The following PAPPA variants were observed in gnomAD, a reference collection of about 807,000 sequenced individuals.
PAPPA encodes the protein pappalysin 1.
PAPPA carries 60 observed loss-of-function variants against 164.0 expected under a neutral mutation model. That is an observed-to-expected ratio of 0.37 (90% CI 0.30 to 0.45). PAPPA has a LOEUF of 0.45. Ranked by LOEUF, PAPPA falls within the 20% of genes least tolerant of loss-of-function variation. PAPPA has a pLI of 1.00. For missense variants in PAPPA, 1,782 were observed against 2,087.3 expected, an observed-to-expected ratio of 0.85 and a Z score of 2.85; for synonymous variants, 875 against 814.1, an observed-to-expected ratio of 1.07 and a Z score of -1.27.
chr9:116,187,691 T>A lies in PAPPA; in HGVS notation c.953T>A (p.Leu318Gln). Residue 318 changes from leucine (L) to glutamine (Q), a missense_variant, in exon 2 of 22, where the codon CTG becomes CAG. By Grantham distance (113) the Leu-to-Gln change is moderately radical. Around this residue, in one of 2 missense-constraint regions of PAPPA, gnomAD observed 458 missense variants for 430.3 expected, o/e 1.06. Transcript: ENST00000328252. The surrounding 1 kb of genome is among the most constrained non-coding windows in gnomAD (Gnocchi z 4.2). ...VEFSNAHGFLLDTSLEPPLCG... is the reference protein window; with the variant it reads ...VEFSNAHGFLQDTSLEPPLCG... ...TTCAGCAATGCCCACGGCTTTCTGC[T>A]GGACACGAGTCTGGAGCCTCCTCTG... 1 of 1,614,248 alleles carries A rather than the reference T, an allele frequency of 6.2e-7. No homozygotes were observed.
At chr9:116,263,018 C>T (rs35458487) in intron 7 of PAPPA, among the ~76,000 whole-genome samples, 26,949 of 152,096 alleles carry the variant, frequency 0.18, 2,576 homozygotes, top group Middle Eastern at 0.25. Flanking sequence ...TTAGTAACTG[C>T]TGTACCCATC....
At chr9:116,344,995 G>C (rs1359331724) in intron 14 of PAPPA, among the ~76,000 whole-genome samples, 1 of 152,208 alleles carries the variant, frequency 6.6e-6, no homozygotes, top group African/African-American at 2.4e-5. Context: ...ATGGGGCTGA[G>C]TATTTTGGAA....
intron 8 of PAPPA, among the ~76,000 whole-genome samples, chr9:116,268,854 TA>T (rs1438096537): frequency 1.5e-5 from 1 of 66,644 alleles, no homozygotes; most frequent in Non-Finnish European, 2.7e-5. Context: ...GGTGGGGGGG[TA>T]GGGGGGAAGG....
At chr9:116,393,013 A>C (rs769384713) in intron 21 of PAPPA, among the ~76,000 whole-genome samples, 35 of 152,138 alleles carry the variant, frequency 2.3e-4, no homozygotes, top group Non-Finnish European at 4.3e-4. Context: ...TTTATTTCGG[A>C]AGTGCTGAAA....
intron 2 of PAPPA, among the ~76,000 whole-genome samples, chr9:116,192,709 T>C (rs527388188): frequency 1.8e-4 from 28 of 152,230 alleles, no homozygotes; most frequent in African/African-American, 6.7e-4. Context: ...ACATTCCAGG[T>C]GAACTGTGGC....
Position 116,352,744 on chromosome 9 carries a change from T to C in PAPPA, c.4003T>C (p.Trp1335Arg). The C allele has an allele frequency of 6.2e-7, 1 of 1,613,476 alleles. No homozygotes were observed. Among genetic ancestry groups the C allele is most frequent in the Non-Finnish European group, 8.5e-7 (1 of 1,180,018 alleles). ...SLLTCMEDGL[W>R]SFPEALCELM... is the part of the protein sequence containing the mutation. ...CCTGACCTGCATGGAGGATGGGCTG[T>C]GGTCCTTCCCAGAGGCCCTGTGTGA... Residue 1335 changes from tryptophan to arginine, a missense_variant, in exon 16 of 22, where the codon TGG (tryptophan) becomes CGG (arginine). Trp to Arg is a moderately radical substitution (Grantham distance 101). Around this residue, in one of 2 missense-constraint regions of PAPPA, gnomAD observed 1,324 missense variants for 1,656.9 expected, o/e 0.80. Transcript: ENST00000328252.
At chr9:116,385,326 T>G (rs1846794397) in intron 21 of PAPPA, among the ~76,000 whole-genome samples, 1 of 152,096 alleles carries the variant, frequency 6.6e-6, no homozygotes, top group Non-Finnish European at 1.5e-5. Flanking sequence ...CATGACTTCA[T>G]AGTCCCACAA....
chr9:116,156,334 G>GTATATATATATATATATGTATA (rs374567663), intron 1 of PAPPA, among the ~76,000 whole-genome samples: 1 of 139,590 alleles, frequency 7.2e-6, no homozygotes, highest in Non-Finnish European at 1.5e-5. Flanking sequence ...ATATATATGT[G>GTATATATATATATATATGTATA]TATATATATA....
At chr9:116,366,593 T>G (rs1564243544) in intron 18 of PAPPA, among the ~76,000 whole-genome samples, 1 of 152,222 alleles carries the variant, frequency 6.6e-6, no homozygotes, top group Non-Finnish European at 1.5e-5. Context: ...ACTTATTCAC[T>G]CACTGTCTCT....
At chr9:116,375,885 T>C (rs10817879) in intron 19 of PAPPA, among the ~76,000 whole-genome samples, 59,005 of 152,186 alleles carry the variant, frequency 0.39, 11,987 homozygotes, top group Middle Eastern at 0.46. Flanking sequence ...CCATAGTTGG[T>C]TGTTCACAGT....
intron 19 of PAPPA, among the ~76,000 whole-genome samples, chr9:116,374,807 T>C (rs1357194684): frequency 1.3e-5 from 2 of 152,224 alleles, no homozygotes; most frequent in Non-Finnish European, 2.9e-5. Context: ...ACTCTCATAC[T>C]GAGAGAGGAA....
intron 2 of PAPPA, among the ~76,000 whole-genome samples, chr9:116,207,185 C>G (rs980427480): frequency 2.0e-5 from 3 of 152,150 alleles, no homozygotes; most frequent in African/African-American, 7.2e-5. Flanking sequence ...AGAAGGTTCT[C>G]TAAGCCTCTG....
intron 1 of PAPPA, among the ~76,000 whole-genome samples, chr9:116,155,665 A>G (rs1420388634): frequency 6.6e-6 from 1 of 152,170 alleles, no homozygotes; most frequent in Admixed American, 6.5e-5. Context: ...CTTTCTTAGA[A>G]GGGAAAGCTG....
At chr9:116,212,826 A>G (rs548737303) in intron 4 of PAPPA, among the ~76,000 whole-genome samples, 5 of 152,340 alleles carry the variant, frequency 3.3e-5, no homozygotes, top group African/African-American at 7.2e-5. Context: ...TATTCTTATC[A>G]AAAGCAATAT....
chr9:116,253,375 A>T (rs575418359), intron 7 of PAPPA, among the ~76,000 whole-genome samples: 4 of 152,258 alleles, frequency 2.6e-5, no homozygotes, highest in Admixed American at 6.5e-5. Flanking sequence ...ACATTTTTTT[A>T]AAAAATTGAA....
chr9:116,352,098 G>A (rs994246490), intron 15 of PAPPA, among the ~76,000 whole-genome samples: 7 of 152,150 alleles, frequency 4.6e-5, no homozygotes, highest in African/African-American at 7.2e-5. Flanking sequence ...CATGGGCTAC[G>A]GGGGAAGTGC....
intron 10 of PAPPA, among the ~76,000 whole-genome samples, chr9:116,321,094 C>G (rs2118927160): frequency 6.6e-6 from 1 of 151,106 alleles, no homozygotes; most frequent in Non-Finnish European, 1.5e-5. Flanking sequence ...GTAGTGCTAT[C>G]TCGGCTCACT....
intron 2 of PAPPA, among the ~76,000 whole-genome samples, chr9:116,191,092 G>A (rs1465539123): frequency 1.3e-5 from 2 of 152,218 alleles, no homozygotes; most frequent in African/African-American, 4.8e-5. Context: ...TGATTACATG[G>A]TCATGACACA....
chr9:116,226,808 G>C (rs112321182), intron 5 of PAPPA, among the ~76,000 whole-genome samples: 2 of 152,208 alleles, frequency 1.3e-5, no homozygotes, highest in South Asian at 2.1e-4. Flanking sequence ...TGAGGGATTG[G>C]CTAGCCCCTT....
Sources: gnomAD v4.1 joint callset for allele counts (sites outside exome capture counted in the v4.1 genomes callset) on GRCh38, gnomAD v4.1.1 for gene constraint, gnomAD v4.1.1 regional missense constraint, Gnocchi (gnomAD v3.1) non-coding constraint, MANE v1.5 for transcripts, NCBI Gene and HGNC (gene_info 2026-07-23, HGNC 2026-07-21) for gene names.